MYBPC1: variants seen among roughly 807,000 people sequenced by gnomAD.
MYBPC1 encodes the protein myosin binding protein C1.
MYBPC1 carries 52 observed loss-of-function variants against 147.1 expected under a neutral mutation model. That is an observed-to-expected ratio of 0.35 (90% confidence interval 0.28 to 0.45). The LOEUF (loss-of-function observed/expected upper bound fraction) is 0.45. MYBPC1 is among the 20% of genes least tolerant of loss of function. MYBPC1 has a pLI of 1.00. For synonymous variants in MYBPC1, 477 were observed against 475.9 expected, an observed-to-expected ratio of 1.00 and a Z score of -0.03; for missense variants, 1,228 against 1,440.3, an observed-to-expected ratio of 0.85 and a Z score of 2.39.
intron 19 of MYBPC1, 27 bp from the exon 20 acceptor site, chr12:101,661,131 C>T (rs764670525): frequency 2.8e-5 from 42 of 1,512,382 alleles, no homozygotes; most frequent in Non-Finnish European, 3.7e-5. Flanking sequence ...CCTTATTTTA[C>T]TTTATCCTAT....
intron 18 of MYBPC1, among the ~76,000 whole-genome samples, 186 bp downstream of exon 18, chr12:101,653,434 A>G (rs984035109): frequency 2.6e-5 from 4 of 152,230 alleles, no homozygotes; most frequent in Non-Finnish European, 5.9e-5. Flanking sequence ...GATCATCATT[A>G]ATTTACTTCT....
In MYBPC1 at chr12:101,631,659, C is replaced by T. The variant is rs1889921897; in HGVS notation, c.378C>T (p.Asp126=). 4 of 1,614,206 alleles carry T rather than the reference C, an allele frequency of 2.5e-6. No individual in the cohort carries two copies. The highest frequency in any genetic ancestry group is 1.7e-6 in the Non-Finnish European group (2 of 1,180,040). Residue 126 remains aspartate, a synonymous_variant, in exon 7 of 32, where the codon GAC becomes GAT. Transcript: ENST00000361466. The stretch of plus-strand genomic sequence containing the variant: ...AATGGTTCAAAGGAAAATGGATGGA[C>T]CTGGCCAGCAAAGCCGGGAAGCACC... ...TIKWFKGKWM[D]LASKAGKHLQ... is the part of the protein sequence containing the mutation.
At chr12:101,687,469 A>G (rs762709413), downstream of MYBPC1, among the ~76,000 whole-genome samples, 14 of 152,090 alleles carry the variant, frequency 9.2e-5, no homozygotes, top group Non-Finnish European at 1.5e-4. Context: ...AATCCAGTCT[A>G]TCATTGTTGG....
rs570376194 is a variant in MYBPC1 at position 101,614,504 on chromosome 12, G to T, written c.34G>T (p.Val12Leu). ...PEPTKKEENE[V>L]PAPAPPPEEP... ...ACTCTTTCCATTTCTAGAAAATGAA[G>T]TGCCAGCCCCAGCCCCACCCCCGGA... The change falls in exon 2 of 32, where the codon GTG becomes TTG. Residue 12 changes from valine to leucine, a missense_variant. Coordinates refer to ENST00000361466, the MANE Select transcript of MYBPC1 (RefSeq NM_002465.4). 1 of 1,613,862 alleles carries T rather than the reference G, an allele frequency of 6.2e-7. No individual in the cohort carries two copies. Among genetic ancestry groups the T allele is most frequent in the East Asian group, 2.2e-5 (1 of 44,856 alleles).
Position 101,625,497 on chromosome 12 carries a change from G to A in MYBPC1, c.104-1375G>A, listed in dbSNP as rs115681860. Among the ~76,000 whole-genome samples the A allele has an allele frequency of 8.1e-3, 1,239 of 152,240 alleles. 30 individuals are homozygous for A. The highest frequency in any genetic ancestry group is 0.028 in the African/African-American group (1,161 of 41,546). On this transcript the variant is annotated intron_variant, in intron 3 of 31. Transcript: ENST00000361466. The stretch of plus-strand genomic sequence containing the variant: ...AACTGGAGAGATTTTATTTATAAGG[G>A]CTCTAGAATAAAATACAAGTTTTTC...
intron 25 of MYBPC1, among the ~76,000 whole-genome samples, chr12:101,674,784 A>G (rs565968674): frequency 3.5e-5 from 5 of 144,094 alleles, no homozygotes; most frequent in African/African-American, 1.3e-4. Context: ...AATCGCTTGA[A>G]CCTGGGAGGA....
Position 101,632,115 on chromosome 12 carries a change from G to C in MYBPC1, c.533G>C (p.Cys178Ser), listed in dbSNP as rs1234382945. ...ACCTATAAGGATAAGTTTGACAGCT[G>C]TTCATTTGATCTTGAAGTGCACGGT... ...EVTYKDKFDSCSFDLEVHEST... is the reference protein window; with the variant it reads ...EVTYKDKFDSSSFDLEVHEST... Residue 178 changes from cysteine (C) to serine (S), a missense_variant, in exon 8 of 32, where the codon TGT becomes TCT. Transcript: ENST00000361466. The C allele has an allele frequency of 1.9e-6, 3 of 1,612,872 alleles. No individual in the cohort carries two copies. Among genetic ancestry groups the C allele is most frequent in the Non-Finnish European group, 1.7e-6 (2 of 1,178,808 alleles).
chr12:101,614,861 A>G, intron 2 of MYBPC1: 1 of 400,942 alleles, frequency 2.5e-6, no homozygotes. Context: ...AGAATTTGTG[A>G]GGCTTTTTCC....
intron 9 of MYBPC1, among the ~76,000 whole-genome samples, chr12:101,636,001 A>C (rs968826297): frequency 2.0e-5 from 3 of 152,198 alleles, no homozygotes; most frequent in African/African-American, 7.2e-5. Flanking sequence ...TGCTAGTAAA[A>C]GTTTCATTAA....
At chr12:101,638,790 C>T (rs1452707281) in intron 10 of MYBPC1, among the ~76,000 whole-genome samples, 1 of 152,176 alleles carries the variant, frequency 6.6e-6, no homozygotes, top group Non-Finnish European at 1.5e-5. Context: ...GGGCAGCCAA[C>T]ATGTCTCCAG....
At chr12:101,670,015 G>T in intron 23 of MYBPC1, 1 of 434,046 alleles carries the variant, frequency 2.3e-6, no homozygotes, top group Non-Finnish European at 4.3e-6. Context: ...TTTCTATAAA[G>T]TTGCTTTAGG....
At chr12:101,614,209 C>T (rs1885224519) in intron 1 of MYBPC1, among the ~76,000 whole-genome samples, 1 of 152,176 alleles carries the variant, frequency 6.6e-6, no homozygotes, top group Admixed American at 6.5e-5. Flanking sequence ...GATCCCCATT[C>T]TACCTTTATC....
chr12:101,657,147 T>G (rs1417193542), intron 18 of MYBPC1, among the ~76,000 whole-genome samples: 1 of 151,926 alleles, frequency 6.6e-6, no homozygotes, highest in Non-Finnish European at 1.5e-5. Flanking sequence ...AAAAGAAAAT[T>G]TAAAATATAT....
chr12:101,671,492 A>G (rs1898722277), intron 24 of MYBPC1, among the ~76,000 whole-genome samples: 1 of 152,200 alleles, frequency 6.6e-6, no homozygotes, highest in South Asian at 2.1e-4. Context: ...TGTGTACTAC[A>G]TACCCCCGGC....
rs138810110 is a variant in MYBPC1 at position 101,616,586 on chromosome 12, A to G, written c.62-616A>G. ...ATTCCATAAGTCAGATACCATTTGCAGGTCTAAACTAATATGATCCCAAAC... is the reference window on the plus strand; with the variant it reads ...ATTCCATAAGTCAGATACCATTTGCGGGTCTAAACTAATATGATCCCAAAC... On this transcript the variant is annotated intron_variant, in intron 2 of 31. Transcript: ENST00000361466. Among the ~76,000 whole-genome samples, 1,082 of 152,310 alleles carry G rather than the reference A, an allele frequency of 7.1e-3. 32 individuals are homozygous for G. In the South Asian group the frequency reaches 0.1, roughly 14 times the overall value.
intron 1 of MYBPC1, among the ~76,000 whole-genome samples, chr12:101,613,270 G>A (rs894195084): frequency 2.6e-5 from 4 of 152,124 alleles, no homozygotes; most frequent in East Asian, 3.9e-4. Flanking sequence ...CTAGAACGGG[G>A]CATTTGGCCT....
At chr12:101,631,076 G>A (rs772638028) in intron 6 of MYBPC1, among the ~76,000 whole-genome samples, 5 of 151,964 alleles carry the variant, frequency 3.3e-5, no homozygotes, top group Non-Finnish European at 4.4e-5. Flanking sequence ...CAGATTGCAG[G>A]TTTACTTCAA....
downstream of MYBPC1, among the ~76,000 whole-genome samples, chr12:101,690,395 T>C (rs1951396781): frequency 6.6e-6 from 1 of 152,166 alleles, no homozygotes; most frequent in Non-Finnish European, 1.5e-5. Flanking sequence ...CCCTCCCAGA[T>C]ATTGCTGATA....
chr12:101,692,092 G>A, the MYBPC1 span, among the ~76,000 whole-genome samples: 1 of 152,196 alleles, frequency 6.6e-6, no homozygotes, highest in Non-Finnish European at 1.5e-5. Context: ...ATGAGAGTGG[G>A]TTTGGGGACA....
Sources: allele counts gnomAD v4.1 joint callset (sites outside exome capture counted in the v4.1 genomes callset), GRCh38; gene constraint gnomAD v4.1.1; transcripts MANE v1.5; gene names NCBI Gene and HGNC (gene_info 2026-07-23, HGNC 2026-07-21).